Variants in STXBP5 observed in about 807,000 individuals in gnomAD.
STXBP5 encodes syntaxin-binding protein 5.
STXBP5 carries 50 observed loss-of-function variants against 152.4 expected under a neutral mutation model. The observed-to-expected ratio is 0.33, with a 90% CI of 0.26 to 0.42. The LOEUF is 0.42. Among genes scored for constraint, STXBP5 ranks in the 10% least tolerant of loss-of-function variants. STXBP5 has a pLI of 1.00. For missense variants in STXBP5, 1,167 were observed against 1,388.6 expected, an observed-to-expected ratio of 0.84 and a Z score of 2.54; for synonymous variants, 492 against 494.7, an observed-to-expected ratio of 0.99 and a Z score of 0.07.
intron 25 of STXBP5, among the ~76,000 whole-genome samples, chr6:147,371,245 C>T (rs74560871): frequency 0.044 from 6,697 of 151,860 alleles, 426 homozygotes; most frequent in East Asian, 0.28. Context: ...TAATAAAAAG[C>T]CTTATTTAAA....
chr6:147,244,074 A>G (rs1466373915), intron 4 of STXBP5, among the ~76,000 whole-genome samples: 1 of 152,218 alleles, frequency 6.6e-6, no homozygotes, highest in Non-Finnish European at 1.5e-5. Flanking sequence ...TAAAAAGATA[A>G]TAAAAATAAA....
intron 9 of STXBP5, chr6:147,293,262 G>A (rs968695526): frequency 1.3e-5 from 2 of 152,134 alleles, no homozygotes; most frequent in African/African-American, 4.8e-5. Context: ...GTTAAATGAC[G>A]TAGTTATACT....
At chr6:147,274,956 C>T (rs1780366531) in intron 7 of STXBP5, among the ~76,000 whole-genome samples, 1 of 152,082 alleles carries the variant, frequency 6.6e-6, no homozygotes, top group Non-Finnish European at 1.5e-5. Flanking sequence ...TCTAATAATA[C>T]TGATGAGTTT....
intron 4 of STXBP5, among the ~76,000 whole-genome samples, chr6:147,249,896 TA>T (rs1026542926): frequency 1.3e-5 from 2 of 152,206 alleles, no homozygotes; most frequent in African/African-American, 2.4e-5. Flanking sequence ...AGAAAGTTTT[TA>T]AAAGTATCAT....
At chr6:147,274,825 A>G (rs115493488) in intron 7 of STXBP5, among the ~76,000 whole-genome samples, 4,324 of 152,174 alleles carry the variant, frequency 0.028, 218 homozygotes, top group African/African-American at 0.098. Flanking sequence ...TGTTAAAATA[A>G]CATCTATGAG....
chr6:147,274,871 T>C (rs1229208091), intron 7 of STXBP5, among the ~76,000 whole-genome samples: 1 of 152,084 alleles, frequency 6.6e-6, no homozygotes, highest in Non-Finnish European at 1.5e-5. Flanking sequence ...AAATTAAGAA[T>C]ATTAATTAGT....
intron 27 of STXBP5, 95 bp downstream of exon 27, chr6:147,383,093 T>C: frequency 2.2e-6 from 3 of 1,373,826 alleles, no homozygotes; most frequent in South Asian, 1.3e-5. Context: ...TCTACACCCA[T>C]GAATTTGCAT....
At chr6:147,208,363 TTTTTA>T (rs1776677999) in intron 2 of STXBP5, among the ~76,000 whole-genome samples, 1 of 152,148 alleles carries the variant, frequency 6.6e-6, no homozygotes, top group Non-Finnish European at 1.5e-5. Flanking sequence ...GACTAAGCCC[TTTTTA>T]TTTTATCTCA....
intron 21 of STXBP5, among the ~76,000 whole-genome samples, chr6:147,342,751 G>A (rs1270267418): frequency 2.6e-5 from 4 of 152,040 alleles, no homozygotes; most frequent in Non-Finnish European, 5.9e-5. Flanking sequence ...ATATAAAATA[G>A]TCCTACAATG....
At chr6:147,242,661 C>T (rs181105337) in intron 4 of STXBP5, among the ~76,000 whole-genome samples, 6 of 152,256 alleles carry the variant, frequency 3.9e-5, no homozygotes, top group Admixed American at 6.5e-5. Flanking sequence ...ATATGTAATA[C>T]GCAGTAACAT....
At chr6:147,329,247 A>G (rs1311076076) in intron 18 of STXBP5, among the ~76,000 whole-genome samples, 2 of 148,216 alleles carry the variant, frequency 1.3e-5, no homozygotes, top group African/African-American at 4.9e-5. Context: ...TTATTTTTAT[A>G]TTATATTTAT....
chr6:147,366,978 CAT>C (rs1019284101), intron 25 of STXBP5, among the ~76,000 whole-genome samples: 57 of 152,292 alleles, frequency 3.7e-4, no homozygotes, highest in African/African-American at 1.3e-3. Flanking sequence ...GACAGAAAAA[CAT>C]GAGCCATCAT....
chr6:147,370,133 A>G (rs2128417295), intron 25 of STXBP5, among the ~76,000 whole-genome samples: 1 of 152,174 alleles, frequency 6.6e-6, no homozygotes, highest in Non-Finnish European at 1.5e-5. Flanking sequence ...ATGCTTAATG[A>G]AAGGAGCCAA....
intron 8 of STXBP5, among the ~76,000 whole-genome samples, chr6:147,289,497 C>T (rs888398704): frequency 6.6e-6 from 1 of 151,954 alleles, no homozygotes; most frequent in African/African-American, 2.4e-5. Flanking sequence ...ATGTGTATTT[C>T]TGTACAATTT....
In STXBP5 at chr6:147,333,591, T is replaced by C. The variant is rs149551527; in HGVS notation, c.2081-566T>C. 5.0e-4 allele frequency among the ~76,000 whole-genome samples: 76 copies of C among 152,310 alleles called. 1 individual carries two copies. In the South Asian group the frequency reaches 6.6e-3, roughly 13 times the overall value. On this transcript the variant is annotated intron_variant, in intron 18 of 27. Coordinates refer to ENST00000321680, the MANE Select transcript of STXBP5 (RefSeq NM_001127715.4). ...TCCTATCTAATGAAAAAAACTAATATGTGCCTCAAAATGGGAAACTTTTCT... is the reference window on the plus strand; with the variant it reads ...TCCTATCTAATGAAAAAAACTAATACGTGCCTCAAAATGGGAAACTTTTCT...
intron 25 of STXBP5, among the ~76,000 whole-genome samples, chr6:147,365,479 AATTT>A (rs1337437192): frequency 6.6e-6 from 1 of 152,194 alleles, no homozygotes; most frequent in Non-Finnish European, 1.5e-5. Flanking sequence ...TTCTGGGATC[AATTT>A]ATTCTATCCT....
At chr6:147,243,221 T>A (rs971431415) in intron 4 of STXBP5, among the ~76,000 whole-genome samples, 1 of 152,116 alleles carries the variant, frequency 6.6e-6, no homozygotes, top group African/African-American at 2.4e-5. Flanking sequence ...GAATAAGAGG[T>A]CCTTTTGCTC....
chr6:147,225,213 C>T (rs1777650130), intron 2 of STXBP5, among the ~76,000 whole-genome samples: 1 of 152,036 alleles, frequency 6.6e-6, no homozygotes, highest in Non-Finnish European at 1.5e-5. Context: ...AGGAGAATAT[C>T]TACTCAAAGA....
At chr6:147,339,545 A>G (rs1412205457) in intron 21 of STXBP5, among the ~76,000 whole-genome samples, 161 bp downstream of exon 21, 1 of 151,940 alleles carries the variant, frequency 6.6e-6, no homozygotes, top group East Asian at 1.9e-4. Flanking sequence ...CATTGGGGCA[A>G]TAATTATTAA....
Sources: gnomAD v4.1 joint callset for allele counts (sites outside exome capture counted in the v4.1 genomes callset) on GRCh38, gnomAD v4.1.1 for gene constraint, MANE v1.5 for transcripts, NCBI Gene and HGNC (gene_info 2026-07-23, HGNC 2026-07-21) for gene names.